SBF2: variants seen among roughly 807,000 people sequenced by gnomAD.
SBF2 encodes the protein myotubularin-related protein 13.
SBF2 carries 112 observed loss-of-function variants against 225.2 expected under a neutral mutation model. That is an observed-to-expected ratio of 0.50 (90% CI 0.43 to 0.58). The LOEUF (loss-of-function observed/expected upper bound fraction) is 0.58. Among genes scored for constraint, SBF2 ranks in the 20% least tolerant of loss-of-function variants. The pLI is 0.00. For missense variants in SBF2, 1,996 were observed against 2,206.2 expected (o/e 0.90, Z 1.91); for synonymous variants, 763 against 773.3 (o/e 0.99, Z 0.22).
At chr11:10,125,864 A>G (rs1953727284) in intron 2 of SBF2, among the ~76,000 whole-genome samples, 1 of 152,162 alleles carries the variant, frequency 6.6e-6, no homozygotes, top group Non-Finnish European at 1.5e-5. Flanking sequence ...AAAAAGTATG[A>G]GTCAGAAATT....
intron 13 of SBF2, among the ~76,000 whole-genome samples, chr11:9,984,225 A>G (rs1007024014): frequency 6.6e-6 from 1 of 152,216 alleles, no homozygotes; most frequent in South Asian, 2.1e-4. Context: ...TAGATAGCTT[A>G]AAGAGAAAAC....
intron 2 of SBF2, among the ~76,000 whole-genome samples, chr11:10,059,925 G>A (rs576738101): frequency 6.6e-6 from 1 of 152,210 alleles, no homozygotes; most frequent in South Asian, 2.1e-4. Context: ...ACATCAAAAA[G>A]TTAGGAATAT....
intron 1 of SBF2, among the ~76,000 whole-genome samples, chr11:10,226,496 C>A (rs977086726): frequency 6.7e-6 from 1 of 148,880 alleles, no homozygotes; most frequent in African/African-American, 2.5e-5. Flanking sequence ...AACCCCACAA[C>A]AGGCCCGGGT....
intron 2 of SBF2, among the ~76,000 whole-genome samples, chr11:10,131,689 C>T (rs187876015): frequency 1.7e-3 from 263 of 152,258 alleles, no homozygotes; most frequent in Non-Finnish European, 2.8e-3. Flanking sequence ...GATCTGCCCA[C>T]CTCGGCCTCC....
At chr11:10,231,581 C>G (rs988884397) in intron 1 of SBF2, among the ~76,000 whole-genome samples, 1 of 152,274 alleles carries the variant, frequency 6.6e-6, no homozygotes, top group East Asian at 1.9e-4. Flanking sequence ...CACTCCAGAC[C>G]CTGTTTGCCT....
intron 16 of SBF2, among the ~76,000 whole-genome samples, chr11:9,902,880 G>A (rs757638152): frequency 2.6e-5 from 4 of 151,556 alleles, no homozygotes; most frequent in Non-Finnish European, 2.9e-5. Flanking sequence ...AAGAATTTCT[G>A]TATTATCATG....
At chr11:10,236,843 T>C (rs1959096285) in intron 1 of SBF2, among the ~76,000 whole-genome samples, 1 of 152,208 alleles carries the variant, frequency 6.6e-6, no homozygotes, top group South Asian at 2.1e-4. Context: ...TATTCAGTAA[T>C]TTGGACTAAC....
chr11:10,250,458 G>T (rs1038258273), intron 1 of SBF2, among the ~76,000 whole-genome samples: 4 of 152,122 alleles, frequency 2.6e-5, no homozygotes, highest in African/African-American at 7.2e-5. Context: ...AGGATAAAAT[G>T]ATCCAAATTG....
At chr11:10,045,331 G>C (rs11042598) in intron 2 of SBF2, among the ~76,000 whole-genome samples, 75,658 of 151,812 alleles carry the variant, frequency 0.5, 19,289 homozygotes, top group Admixed American at 0.59. Context: ...TCATGCCCAG[G>C]TAATTCATGT....
At chr11:9,974,351 T>G (rs1361715161) in intron 13 of SBF2, among the ~76,000 whole-genome samples, 1 of 152,016 alleles carries the variant, frequency 6.6e-6, no homozygotes, top group Non-Finnish European at 1.5e-5. Context: ...TCTTTGGCCT[T>G]TATCCACTAG....
chr11:9,973,140 G>T (rs374892518), intron 13 of SBF2, among the ~76,000 whole-genome samples: 1 of 152,268 alleles, frequency 6.6e-6, no homozygotes, highest in South Asian at 2.1e-4. Context: ...ACTTGGTCGC[G>T]AAATGACTTT....
intron 6 of SBF2, among the ~76,000 whole-genome samples, chr11:10,013,553 G>A (rs1948533707): frequency 1.3e-5 from 2 of 152,114 alleles, no homozygotes; most frequent in Admixed American, 6.5e-5. Context: ...CTGGTTCTTT[G>A]GGGGAAAGGA....
chr11:9,938,931 T>C (rs1180812986), intron 16 of SBF2, among the ~76,000 whole-genome samples: 2 of 151,964 alleles, frequency 1.3e-5, no homozygotes, highest in African/African-American at 4.8e-5. Context: ...ATAATGTATT[T>C]GGGAAAAAAT....
At chr11:9,791,453 A>C (rs1590092409) in intron 33 of SBF2, among the ~76,000 whole-genome samples, 1 of 151,662 alleles carries the variant, frequency 6.6e-6, no homozygotes, top group East Asian at 1.9e-4. Context: ...CTCAAGCCCA[A>C]GATGGCATGA....
rs1210393129 is a variant in SBF2, at chr11:9,852,707, C to T, written c.2579G>A (p.Arg860Gln). 5 of 1,613,364 alleles carry T rather than the reference C, an allele frequency of 3.1e-6. No homozygotes were observed. The South Asian group carries it at 3.3e-5, about 11-fold the overall frequency. The change falls in exon 21 of 40, where the codon CGA becomes CAA. Residue 860 changes from arginine (R) to glutamine (Q), a missense_variant. Physicochemically the swap from Arg to Gln is conservative, Grantham distance 43. Transcript: ENST00000256190. ...AATAGGCGGAAGTCTTCTGCTTTCTCGATGTACTGCTTCTAGGGTCTCAAT... is the reference window on the plus strand; with the variant it reads ...AATAGGCGGAAGTCTTCTGCTTTCTTGATGTACTGCTTCTAGGGTCTCAAT... The part of the protein sequence containing the change: ...MHIETLEAVH[R>Q]ESRRLPPIQK...
Position 9,795,872 on chromosome 11 carries a change from T to G in SBF2, c.4529A>C (p.Lys1510Thr). ...ATAGTCTGAATCCAGGAGAAATGTT[T>G]TAAAGCGATTAGACACATAGTGGAA... ...LAFHYVSNRF[K>T]TFLLDSDYER... The change falls in exon 33 of 40, where the codon AAA becomes ACA. Residue 1510 changes from lysine to threonine, a missense_variant. Coordinates refer to ENST00000256190, the MANE Select transcript of SBF2 (RefSeq NM_030962.4). 6.2e-7 allele frequency: 1 copy of G among 1,613,886 alleles called. No homozygotes were observed. Among genetic ancestry groups the G allele is most frequent in the Non-Finnish European group, 8.5e-7 (1 of 1,179,900 alleles).
At chr11:10,051,407 G>GT (rs1196015737) in intron 2 of SBF2, among the ~76,000 whole-genome samples, 1 of 151,966 alleles carries the variant, frequency 6.6e-6, no homozygotes, top group East Asian at 1.9e-4. Context: ...GATTAAAAAA[G>GT]TATTACCCTT....
At chr11:9,877,916 A>T (rs971792192) in intron 17 of SBF2, among the ~76,000 whole-genome samples, 5 of 152,206 alleles carry the variant, frequency 3.3e-5, no homozygotes, top group Non-Finnish European at 7.3e-5. Flanking sequence ...ATACCCAGTA[A>T]TGGGATCACT....
At chr11:10,092,326 G>A (rs531715769) in intron 2 of SBF2, among the ~76,000 whole-genome samples, 1 of 152,038 alleles carries the variant, frequency 6.6e-6, no homozygotes, top group Non-Finnish European at 1.5e-5. Context: ...CTAGAAAATG[G>A]GTAATTTTTA....
Sources: allele counts gnomAD v4.1 joint callset (sites outside exome capture counted in the v4.1 genomes callset), GRCh38; gene constraint gnomAD v4.1.1; transcripts MANE v1.5; gene names NCBI Gene and HGNC (gene_info 2026-07-23, HGNC 2026-07-21).